ADCK1: variants seen among roughly 807,000 people sequenced by gnomAD.
ADCK1 encodes the protein aarF domain-containing protein kinase 1.
A neutral mutation model predicts 52.3 loss-of-function variants in ADCK1; 41 were observed. That is an observed-to-expected ratio of 0.78 (90% CI 0.61 to 1.02). ADCK1 has a LOEUF of 1.02. ADCK1 is among the 50% of genes least tolerant of loss of function. ADCK1 has a pLI of 0.00. For missense variants in ADCK1, 658 were observed against 679.5 expected, an observed-to-expected ratio of 0.97 and a Z score of 0.35; for synonymous variants, 250 against 274.6, an observed-to-expected ratio of 0.91 and a Z score of 0.89.
intron 5 of ADCK1, among the ~76,000 whole-genome samples, chr14:77,894,798 G>A (rs1203426018): frequency 9.1e-6 from 1 of 109,526 alleles, no homozygotes; most frequent in Non-Finnish European, 1.9e-5. Flanking sequence ...TGCCGCCCAG[G>A]CTGGAGTACA....
At chr14:77,884,175 C>T (rs187150631) in intron 4 of ADCK1, among the ~76,000 whole-genome samples, 37 of 152,342 alleles carry the variant, frequency 2.4e-4, no homozygotes, top group Admixed American at 2.1e-3. Flanking sequence ...CAGGTGGAGG[C>T]TTGGGGTAAG....
At chr14:77,818,516 G>A (rs1294910938) in intron 1 of ADCK1, among the ~76,000 whole-genome samples, 1 of 152,014 alleles carries the variant, frequency 6.6e-6, no homozygotes, top group Non-Finnish European at 1.5e-5. Context: ...TCCTGGACTC[G>A]AGTGATCTGC....
intron 9 of ADCK1, among the ~76,000 whole-genome samples, chr14:77,930,908 A>T (rs2084314359): frequency 1.3e-5 from 2 of 151,620 alleles, no homozygotes; most frequent in Non-Finnish European, 2.9e-5. Context: ...GATCGTGGGG[A>T]GGCCAGACCC....
At chr14:77,877,390 C>A (rs926355223) in intron 4 of ADCK1, among the ~76,000 whole-genome samples, 25 of 152,200 alleles carry the variant, frequency 1.6e-4, no homozygotes, top group Non-Finnish European at 2.5e-4. Context: ...TTTGTGGATG[C>A]AGGAACAACT....
chr14:77,847,964 C>A (rs904168274), intron 3 of ADCK1, among the ~76,000 whole-genome samples: 1 of 152,124 alleles, frequency 6.6e-6, no homozygotes, highest in African/African-American at 2.4e-5. Context: ...AGCTGGGGCT[C>A]AGCTGGGGAC....
chr14:77,886,588 G>A lies in ADCK1; in HGVS notation c.424-503G>A, dbSNP rs1165975571. 3.3e-5 allele frequency among the ~76,000 whole-genome samples: 5 copies of A among 152,130 alleles called. No homozygotes were observed. The East Asian group carries it at 9.6e-4, about 29-fold the overall frequency. On this transcript the variant is annotated intron_variant, in intron 4 of 10. Coordinates refer to ENST00000238561, the MANE Select transcript of ADCK1 (RefSeq NM_020421.4). Reference sequence around the variant, plus strand: ...CCTACCGTGAATGTCCAGCAGTGGAGGACCAGGCAAGACCCTGGGCTGGTA... The same window carrying A: ...CCTACCGTGAATGTCCAGCAGTGGAAGACCAGGCAAGACCCTGGGCTGGTA...
chr14:77,835,760 C>T (rs541539316), intron 3 of ADCK1, among the ~76,000 whole-genome samples: 7 of 152,182 alleles, frequency 4.6e-5, no homozygotes, highest in Admixed American at 2.6e-4. Context: ...CTTAGCCTCC[C>T]GAATAGCTGG....
rs1320763228 is a variant in ADCK1, at chr14:77,878,981, CA to C, written c.424-8109del. 1.3e-4 allele frequency among the ~76,000 whole-genome samples: 20 copies of C among 152,220 alleles called. 1 individual carries two copies. The South Asian group carries it at 3.9e-3, about 30-fold the overall frequency. On this transcript the variant is annotated intron_variant, in intron 4 of 10. Coordinates refer to ENST00000238561, the MANE Select transcript of ADCK1 (RefSeq NM_020421.4). ...GATGGCTTCCCAGGCTGGCCAGCCA[CA>C]CTGGGTGTTTATCTGCTTTTTATTA...
intron 4 of ADCK1, among the ~76,000 whole-genome samples, chr14:77,864,366 G>C (rs2082617872): frequency 6.6e-6 from 1 of 152,186 alleles, no homozygotes. Flanking sequence ...TATCCAACTT[G>C]TTGGTGGTAG....
At chr14:77,842,448 TTTCCTTCC>T (rs746756710) in intron 3 of ADCK1, among the ~76,000 whole-genome samples, 3,615 of 91,014 alleles carry the variant, frequency 0.04, 82 homozygotes, top group African/African-American at 0.065. Context: ...GGTATTTTTT[TTTCCTTCC>T]TTCCTTCCTT....
chr14:77,854,970 A>T (rs925719357), intron 3 of ADCK1, among the ~76,000 whole-genome samples: 1 of 152,198 alleles, frequency 6.6e-6, no homozygotes, highest in Admixed American at 6.5e-5. Context: ...TTGCCCCATC[A>T]TTAGGTAGTA....
In ADCK1 at chr14:77,837,657, G is replaced by A. The variant is rs545671246; in HGVS notation, c.219+15139G>A. Among the ~76,000 whole-genome samples, 3 of 152,266 alleles carry A rather than the reference G, an allele frequency of 2.0e-5. No individual in the cohort carries two copies. The South Asian group carries it at 6.2e-4, about 32-fold the overall frequency. On this transcript the variant is annotated intron_variant, in intron 3 of 10. Transcript: ENST00000238561. ...TAATCTGGACTGGATGAGCTCCCAG[G>A]GTTCCTCCAGGCCAGTGGTCCATAC...
chr14:77,819,525 C>T (rs896728880), intron 2 of ADCK1, among the ~76,000 whole-genome samples: 2 of 152,210 alleles, frequency 1.3e-5, no homozygotes, highest in Non-Finnish European at 2.9e-5. Flanking sequence ...AATCCCTCTC[C>T]AGTGAGCTAG....
intron 8 of ADCK1, 110 bp downstream of exon 8, chr14:77,924,716 A>C: frequency 7.0e-7 from 1 of 1,420,038 alleles, no homozygotes; most frequent in Admixed American, 2.1e-5. Flanking sequence ...GCTGGAAAGG[A>C]CCCTTCCCTC....
intron 4 of ADCK1, among the ~76,000 whole-genome samples, chr14:77,878,648 C>G (rs902158676): frequency 1.3e-5 from 2 of 152,226 alleles, no homozygotes; most frequent in Non-Finnish European, 2.9e-5. Context: ...GGGTTACCTG[C>G]CTGGCCTGGG....
At chr14:77,844,087 A>G (rs2082127526) in intron 3 of ADCK1, among the ~76,000 whole-genome samples, 1 of 151,062 alleles carries the variant, frequency 6.6e-6, no homozygotes, top group Admixed American at 6.6e-5. Context: ...TTTTTTCTGG[A>G]GACAGAGTCT....
At chr14:77,803,579 C>T (rs375012252) in intron 1 of ADCK1, among the ~76,000 whole-genome samples, 70 of 152,236 alleles carry the variant, frequency 4.6e-4, no homozygotes, top group African/African-American at 1.6e-3. Context: ...TGTGGTCCAG[C>T]GAGATGGATT....
chr14:77,842,170 T>C (rs2082082042), intron 3 of ADCK1, among the ~76,000 whole-genome samples: 1 of 152,200 alleles, frequency 6.6e-6, no homozygotes. Context: ...TTTTTTTTGC[T>C]GACAAATTTA....
intron 4 of ADCK1, among the ~76,000 whole-genome samples, chr14:77,880,412 CTCTG>C (rs2082996530): frequency 6.6e-6 from 1 of 152,262 alleles, no homozygotes; most frequent in Admixed American, 6.5e-5. Flanking sequence ...TAGCTAATGG[CTCTG>C]CAGAACCAAT....
Sources: allele counts gnomAD v4.1 joint callset (sites outside exome capture counted in the v4.1 genomes callset), GRCh38; gene constraint gnomAD v4.1.1; transcripts MANE v1.5; gene names NCBI Gene and HGNC (gene_info 2026-07-23, HGNC 2026-07-21).